FAM13A: variants seen among roughly 807,000 people sequenced by gnomAD.
FAM13A encodes family with sequence similarity 13 member A.
Under a neutral mutation model 129.6 loss-of-function variants are expected in FAM13A, and 76 were observed. The ratio of observed to expected loss-of-function variants is 0.59; its 90% CI spans 0.49 to 0.71. The LOEUF is 0.71. FAM13A is among the 30% of genes least tolerant of loss of function. FAM13A has a pLI of 0.00. For synonymous variants in FAM13A, 443 were observed against 449.9 expected (o/e 0.98, Z 0.20); for missense variants, 1,108 against 1,249.3 (o/e 0.89, Z 1.70).
chr4:89,050,403 G>C (rs1008161302), intron 1 of FAM13A, among the ~76,000 whole-genome samples: 1 of 151,700 alleles, frequency 6.6e-6, no homozygotes, highest in Non-Finnish European at 1.5e-5. Flanking sequence ...ATGGGGTTTT[G>C]TCATGTTGGC....
chr4:88,752,003 C>T (rs1366994156), intron 14 of FAM13A, among the ~76,000 whole-genome samples: 2 of 152,112 alleles, frequency 1.3e-5, no homozygotes, highest in African/African-American at 4.8e-5. Context: ...AATATATAAT[C>T]CTAGAATGTT....
At chr4:89,038,217 G>T (rs1232820002) in intron 1 of FAM13A, among the ~76,000 whole-genome samples, 2 of 152,122 alleles carry the variant, frequency 1.3e-5, no homozygotes, top group East Asian at 3.8e-4. Context: ...GAAATCAATG[G>T]CCTGTATTTC....
chr4:88,972,441 A>ACT (rs1350122669), intron 4 of FAM13A, among the ~76,000 whole-genome samples: 2 of 151,834 alleles, frequency 1.3e-5, no homozygotes, highest in Admixed American at 1.3e-4. Flanking sequence ...AGCTGGGACT[A>ACT]CAGGTGCGTG....
Position 88,750,461 on chromosome 4 carries a change from C to T in FAM13A, c.1903G>A (p.Val635Met), listed in dbSNP as rs1457654728. Residue 635 changes from valine (V) to methionine (M), a missense_variant, in exon 15 of 24, where the codon GTG becomes ATG. Val to Met is a conservative substitution (Grantham distance 21). Transcript: ENST00000264344. ...QSRQYLDDTE[V>M]PPSPPNSHSF... Reference sequence around the variant, plus strand: ...TGGGAGTTTGGTGGGGAAGGAGGCACTTCTGTGTCATCCAGGTATTGCCTG... The same window carrying T: ...TGGGAGTTTGGTGGGGAAGGAGGCATTTCTGTGTCATCCAGGTATTGCCTG... The T allele has an allele frequency of 6.2e-7, 1 of 1,614,194 alleles. No homozygotes were observed. The highest frequency in any genetic ancestry group is 1.1e-5 in the South Asian group (1 of 91,084).
At chr4:88,732,921 T>A (rs951051462) in intron 21 of FAM13A, among the ~76,000 whole-genome samples, 3 of 151,814 alleles carry the variant, frequency 2.0e-5, no homozygotes, top group African/African-American at 7.3e-5. Flanking sequence ...CAAATCAGCA[T>A]TTCTTAGAGC....
Position 88,920,862 on chromosome 4 carries a change from T to C in FAM13A, c.760-14400A>G, listed in dbSNP as rs1377873454. 2.0e-5 allele frequency among the ~76,000 whole-genome samples: 3 copies of C among 152,234 alleles called. No homozygotes were observed. The East Asian group carries it at 5.8e-4, about 29-fold the overall frequency. ...AATAGAGAGAAGTGCTTAAAGGAGC[T>C]GATGGAGCTGAAAGCCAAAGCTCGA... On this transcript the variant is annotated intron_variant, in intron 5 of 23. Coordinates refer to ENST00000264344, the MANE Select transcript of FAM13A (RefSeq NM_014883.4).
Position 88,728,541 on chromosome 4 carries a change from A to G in FAM13A, c.3064T>C (p.Ser1022Pro), listed in dbSNP as rs1001624447. 1 of 1,614,122 alleles carries G rather than the reference A, an allele frequency of 6.2e-7. No individual in the cohort carries two copies. The highest frequency in any genetic ancestry group is 8.5e-7 in the Non-Finnish European group (1 of 1,180,006). ...GTGCTTGGCCATGCCCCTCACATGG[A>G]CTTGGAATCAGTGTCTCTCTTGCTG... is the stretch of plus-strand genomic sequence containing the variant. Reference protein sequence around the residue: ...LISKRDTDSKSM With the variant: ...LISKRDTDSKPM The change falls in exon 24 of 24, where the codon TCC becomes CCC. Residue 1022 changes from serine to proline, a missense_variant. Physicochemically the swap from Ser to Pro is moderately conservative, Grantham distance 74 (BLOSUM62 -1). Around this residue, in one of 3 missense-constraint regions of FAM13A, gnomAD observed 529 missense variants for 621.2 expected, o/e 0.85. Coordinates refer to ENST00000264344, the MANE Select transcript of FAM13A (RefSeq NM_014883.4).
chr4:88,944,175 C>A (rs1040697200), intron 4 of FAM13A, among the ~76,000 whole-genome samples: 1 of 151,940 alleles, frequency 6.6e-6, no homozygotes, highest in Non-Finnish European at 1.5e-5. Context: ...TCATTCTGGG[C>A]GACATAGTGA....
rs376033067 is a variant in FAM13A, at chr4:88,787,978, G to C, written c.1092-46C>G. ...GTCATTCAAGCAGTCAAGTTCATCA[G>C]TGATCACCTTAAAAAATCTGTGCCT... is the stretch of plus-strand genomic sequence containing the variant. On this transcript the variant is annotated intron_variant, in intron 9 of 23. Transcript: ENST00000264344. The C allele has an allele frequency of 2.0e-4, 308 of 1,504,752 alleles. 2 individuals carry two copies. Among genetic ancestry groups the C allele is most frequent in the Non-Finnish European group, 2.6e-4 (289 of 1,100,822 alleles). The allele number at this position is 1,504,752 out of a possible 1,614,324, so 93.2% of individuals were successfully genotyped here. A position where few individuals can be genotyped will look rare whatever the true frequency, so the allele number is the denominator to read the frequency against.
At chr4:88,965,564 T>C (rs1456232330) in intron 4 of FAM13A, among the ~76,000 whole-genome samples, 24 of 132,746 alleles carry the variant, frequency 1.8e-4, no homozygotes, top group Admixed American at 1.8e-3. Context: ...TATGTAGTTT[T>C]TTTAAGTTAA....
intron 6 of FAM13A, among the ~76,000 whole-genome samples, chr4:88,886,971 A>T (rs746506788): frequency 7.2e-5 from 11 of 152,210 alleles, no homozygotes; most frequent in Non-Finnish European, 1.5e-4. Flanking sequence ...AGCCATAAAA[A>T]GGAACAAAAT....
intron 3 of FAM13A, among the ~76,000 whole-genome samples, chr4:88,998,082 G>A (rs1442628844): frequency 6.6e-6 from 1 of 152,136 alleles, no homozygotes; most frequent in African/African-American, 2.4e-5. Context: ...GAGTCTGGGA[G>A]TAGATTCCCC....
At chr4:88,920,891 C>T (rs576482181) in intron 5 of FAM13A, among the ~76,000 whole-genome samples, 2 of 152,214 alleles carry the variant, frequency 1.3e-5, no homozygotes, top group East Asian at 3.9e-4. Flanking sequence ...AGCTCGAGAA[C>T]TACGTGAAGA....
chr4:88,911,423 T>C lies in FAM13A; in HGVS notation c.760-4961A>G, dbSNP rs375634140. 2.6e-4 allele frequency among the ~76,000 whole-genome samples: 40 copies of C among 152,328 alleles called. No homozygotes were observed. In the East Asian group the frequency reaches 3.7e-3, roughly 14 times the overall value. ...AATTCTGCTATACTTCTTGCGTAAC[T>C]TGATTTTCCACTTTCCAAGATGATA... On this transcript the variant is annotated intron_variant, in intron 5 of 23. Coordinates refer to ENST00000264344, the MANE Select transcript of FAM13A (RefSeq NM_014883.4).
Position 88,811,446 on chromosome 4 carries a change from A to G in FAM13A, c.1008-6394T>C, listed in dbSNP as rs571744126. ...AGAATCAAAGAAATATTATACTTAC[A>G]GAAAACTAAGGATCATCTCATTCCA... On this transcript the variant is annotated intron_variant, in intron 7 of 23. Coordinates refer to ENST00000264344, the MANE Select transcript of FAM13A (RefSeq NM_014883.4). Among the ~76,000 whole-genome samples the G allele has an allele frequency of 1.1e-4, 17 of 152,264 alleles. No homozygotes were observed. The East Asian group carries it at 3.3e-3, about 29-fold the overall frequency.
Position 88,993,242 on chromosome 4 carries a change from G to A in FAM13A, c.428-2092C>T, listed in dbSNP as rs115171281. 4.4e-3 allele frequency among the ~76,000 whole-genome samples: 673 copies of A among 152,278 alleles called. 3 individuals are homozygous for A. The highest frequency in any genetic ancestry group is 0.016 in the African/African-American group (653 of 41,556). ...AGTTGGAGTGATTAAGAACTAATTG[G>A]AGATACCCATTTCTCATGCCTTTAT... On this transcript the variant is annotated intron_variant, in intron 3 of 23. Transcript: ENST00000264344.
chr4:88,743,317 G>GT (rs1235332178), intron 19 of FAM13A, among the ~76,000 whole-genome samples: 3 of 152,184 alleles, frequency 2.0e-5, no homozygotes, highest in Non-Finnish European at 1.5e-5. Context: ...TTTATCTTTT[G>GT]TGACGGTTTT....
At chr4:88,900,078 T>C (rs1747034031) in intron 6 of FAM13A, among the ~76,000 whole-genome samples, 1 of 151,678 alleles carries the variant, frequency 6.6e-6, no homozygotes, top group East Asian at 1.9e-4. Context: ...CAGACAAGAA[T>C]ACAGAAAAAA....
intron 18 of FAM13A, 45 bp from the exon 19 acceptor site, chr4:88,747,060 T>C: frequency 7.8e-7 from 1 of 1,285,926 alleles, no homozygotes. Context: ...GGAAAATGTG[T>C]GTGAACATTC....
Sources: gnomAD v4.1 joint callset for allele counts (sites outside exome capture counted in the v4.1 genomes callset) on GRCh38, gnomAD v4.1.1 for gene constraint, gnomAD v4.1.1 regional missense constraint, MANE v1.5 for transcripts, NCBI Gene and HGNC (gene_info 2026-07-23, HGNC 2026-07-21) for gene names.